HDLBP: variants seen among roughly 807,000 people sequenced by gnomAD.
HDLBP encodes the protein vigilin.
Under a neutral mutation model 137.3 loss-of-function variants are expected in HDLBP, and 30 were observed. The ratio of observed to expected loss-of-function variants is 0.22; its 90% CI spans 0.16 to 0.30. HDLBP has a LOEUF of 0.30. Ranked by LOEUF, HDLBP falls within the 10% of genes least tolerant of loss-of-function variation. HDLBP has a pLI of 1.00. For synonymous variants in HDLBP, 606 were observed against 596.0 expected (o/e 1.02, Z -0.24); for missense variants, 1,119 against 1,667.3 (o/e 0.67, Z 5.73).
chr2:241,247,092 C>T lies in HDLBP; in HGVS notation c.1782G>A (p.Lys594=). The change falls in exon 15 of 28, where the codon AAG becomes AAA. Residue 594 remains lysine (K), a synonymous_variant. Coordinates refer to ENST00000310931, the MANE Select transcript of HDLBP (RefSeq NM_005336.6). ...TTGCGCCTCCTTTCCCAATGATATT[C>T]TTGTGAAACTGTTTGAAGATCGGAA... The part of the protein sequence containing the change: ...ISVPIFKQFH[K]NIIGKGGANI... 6.2e-7 allele frequency: 1 copy of T among 1,613,568 alleles called. No individual in the cohort carries two copies. Among genetic ancestry groups the T allele is most frequent in the Non-Finnish European group, 8.5e-7 (1 of 1,179,472 alleles).
chr2:241,233,703 G>A lies in HDLBP; in HGVS notation c.3288+117C>T. ...GCCAGAATTAGGTCCTGAGAGACTT[G>A]CCACTCTCAACTTGGCCCTCGAACC... On this transcript the variant is annotated intron_variant, in intron 24 of 27. Transcript: ENST00000310931. This position sits in a 1 kb window ranked among gnomAD's most constrained non-coding sequence, Gnocchi z 4.3. The A allele has an allele frequency of 3.6e-6, 4 of 1,102,460 alleles. No homozygotes were observed. Among genetic ancestry groups the A allele is most frequent in the Non-Finnish European group, 5.3e-6 (4 of 752,624 alleles). 68.3% of individuals were successfully genotyped at this position (1,102,460 alleles called of 1,614,324 possible).
Position 241,273,180 on chromosome 2 carries a change from G to C in HDLBP, c.-102-4639C>G, listed in dbSNP as rs551243834. The C allele has an allele frequency of 6.1e-6, 6 of 985,488 alleles. No homozygotes were observed. The East Asian group carries it at 6.8e-4, about 112-fold the overall frequency. 61.0% of individuals were successfully genotyped at this position (985,488 alleles called of 1,614,324 possible). A position where few individuals can be genotyped will look rare whatever the true frequency, so the allele number is the denominator to read the frequency against. On this transcript the variant is annotated intron_variant, in intron 1 of 27. Transcript: ENST00000310931. The stretch of plus-strand genomic sequence containing the variant: ...CCAAAATCAGAAGAAAAACCTCAAA[G>C]GATGCCCACCACATCGTAAACGGAT...
intron 1 of HDLBP, among the ~76,000 whole-genome samples, chr2:241,294,376 GT>G (rs1324018503): frequency 6.6e-6 from 1 of 152,184 alleles, no homozygotes; most frequent in African/African-American, 2.4e-5. Context: ...AATCGGCATT[GT>G]TTTGTCTTCC....
intron 23 of HDLBP, 128 bp downstream of exon 23, chr2:241,234,993 G>A: frequency 1.8e-6 from 2 of 1,121,972 alleles, no homozygotes; most frequent in Non-Finnish European, 2.5e-6. Context: ...TCCTGGCACT[G>A]CCTGCATCTC....
chr2:241,236,920 G>C (rs568645646), intron 20 of HDLBP, 151 bp from the exon 21 acceptor site: 16 of 651,736 alleles, frequency 2.5e-5, no homozygotes, highest in Admixed American at 1.3e-4. Flanking sequence ...TCTTGGTCTG[G>C]TCAGGGAGAG....
chr2:241,302,952 T>C (rs940891167), intron 1 of HDLBP, among the ~76,000 whole-genome samples: 1 of 152,174 alleles, frequency 6.6e-6, no homozygotes, highest in African/African-American at 2.4e-5. Flanking sequence ...GAGTCTTTGC[T>C]CACAGTGCCC....
chr2:241,247,361 AAG>A (rs1374676806), intron 14 of HDLBP: 18 of 561,968 alleles, frequency 3.2e-5, no homozygotes, highest in Non-Finnish European at 4.8e-5. Flanking sequence ...CTTTTTGGCT[AAG>A]AGAGAGTTCA....
intron 1 of HDLBP, among the ~76,000 whole-genome samples, chr2:241,305,882 T>C (rs1460858644): frequency 6.7e-6 from 1 of 149,944 alleles, no homozygotes; most frequent in East Asian, 2.1e-4. Context: ...TGCCTCAGCC[T>C]CCCGAGTAGC....
At chr2:241,235,363 G>A (rs1253570266) in intron 22 of HDLBP, 108 bp from the exon 23 acceptor site, 3 of 1,538,400 alleles carry the variant, frequency 2.0e-6, no homozygotes, top group African/African-American at 2.7e-5. Context: ...CCGCCGTGAA[G>A]GGAAGTCAGT....
In HDLBP at chr2:241,240,359, C is replaced by A. The variant is rs1373114889; in HGVS notation, c.2170-237G>T. ...CAACCAGATGCTGGTGGGATGAACA[C>A]ACAGGCTTAGAACCCTGGTCCTGCC... On this transcript the variant is annotated intron_variant, in intron 17 of 27. Transcript: ENST00000310931. This position sits in a 1 kb window ranked among gnomAD's most constrained non-coding sequence, Gnocchi z 5.5. Among the ~76,000 whole-genome samples, 1 of 152,224 alleles carries A rather than the reference C, an allele frequency of 6.6e-6. No individual in the cohort carries two copies. The highest frequency in any genetic ancestry group is 1.5e-5 in the Non-Finnish European group (1 of 68,040).
chr2:241,263,151 A>G (rs2073338720), intron 4 of HDLBP, among the ~76,000 whole-genome samples: 1 of 152,218 alleles, frequency 6.6e-6, no homozygotes, highest in East Asian at 1.9e-4. Flanking sequence ...GCACAAATGA[A>G]TGAGGCAGCT....
In HDLBP at chr2:241,272,485, A is replaced by C; in HGVS notation, c.-102-3944T>G. 1.0e-6 allele frequency: 1 copy of C among 984,138 alleles called. No homozygotes were observed. Among genetic ancestry groups the C allele is most frequent in the Non-Finnish European group, 1.2e-6 (1 of 829,528 alleles). The allele number at this position is 984,138 out of a possible 1,614,324, so 61.0% of individuals were successfully genotyped here. On this transcript the variant is annotated intron_variant, in intron 1 of 27. Coordinates refer to ENST00000310931, the MANE Select transcript of HDLBP (RefSeq NM_005336.6). This position sits in a 1 kb window ranked among gnomAD's most constrained non-coding sequence, Gnocchi z 5.6. Reference sequence around the variant, plus strand: ...AAGAGCGGCCCAGCGGCGCCACCGGACTTGAGAAAGTTTGTGCGCGCCCCT... The same window carrying C: ...AAGAGCGGCCCAGCGGCGCCACCGGCCTTGAGAAAGTTTGTGCGCGCCCCT...
At chr2:241,291,641 G>A (rs2075016551) in intron 1 of HDLBP, among the ~76,000 whole-genome samples, 1 of 152,134 alleles carries the variant, frequency 6.6e-6, no homozygotes, top group African/African-American at 2.4e-5. Context: ...CTTTAAATAA[G>A]AATAGAATTA....
At position 241,239,627 on chromosome 2, in the gene HDLBP, C is replaced by A. The variant is rs762020447; in HGVS notation, c.2585G>T (p.Arg862Leu). The A allele has an allele frequency of 6.2e-7, 1 of 1,614,166 alleles. No homozygotes were observed. Among genetic ancestry groups the A allele is most frequent in the South Asian group, 1.1e-5 (1 of 91,088 alleles). ...AKDCVEAAKK[R>L]IQEIIEDLEA... ...CAGGTCCTCAATGATCTCCTGAATG[C>A]GTTTCTTGGCTGCCTCCACACAGTC... Residue 862 changes from arginine to leucine, a missense_variant, in exon 19 of 28, where the codon CGC (arginine) becomes CTC (leucine). Physicochemically the swap from Arg to Leu is moderately radical, Grantham distance 102. This residue lies in a region of HDLBP where 618 missense variants were observed against 816.7 expected (regional missense o/e 0.76). Coordinates refer to ENST00000310931, the MANE Select transcript of HDLBP (RefSeq NM_005336.6). This position sits in a 1 kb window ranked among gnomAD's most constrained non-coding sequence, Gnocchi z 4.6.
chr2:241,293,672 C>G (rs1008825486), intron 1 of HDLBP, among the ~76,000 whole-genome samples: 1 of 151,456 alleles, frequency 6.6e-6, no homozygotes. Flanking sequence ...GTAATCCCAG[C>G]ACTTTGAGAG....
chr2:241,306,349 C>A (rs951758686), intron 1 of HDLBP, among the ~76,000 whole-genome samples: 1 of 151,644 alleles, frequency 6.6e-6, no homozygotes, highest in Non-Finnish European at 1.5e-5. Context: ...GCAACCTCTG[C>A]CTCCCAGGTT....
At chr2:241,288,808 G>T (rs2074917534) in intron 1 of HDLBP, among the ~76,000 whole-genome samples, 1 of 152,172 alleles carries the variant, frequency 6.6e-6, no homozygotes, top group African/African-American at 2.4e-5. Context: ...TCCTGGGAAG[G>T]GGATGGGAAC....
rs1390493698 is a variant in HDLBP, at chr2:241,227,590, G to GT, written c.*2010_*2011insA. The GT allele has an allele frequency of 1.3e-5, 2 of 152,668 alleles. No individual in the cohort carries two copies. The highest frequency in any genetic ancestry group is 4.8e-5 in the African/African-American group (2 of 41,458). The allele number at this position is 152,668 out of a possible 1,614,324, so 9.5% of individuals were successfully genotyped here. A position where few individuals can be genotyped will look rare whatever the true frequency, so the allele number is the denominator to read the frequency against. On this transcript the variant is annotated 3_prime_UTR_variant, in exon 28 of 28. Coordinates refer to ENST00000310931, the MANE Select transcript of HDLBP (RefSeq NM_005336.6). ...ACCACCCAAAGGAAAAGAGAGCGCT[G>GT]AACAGTTTAGGAAAGGGCTCGCGTC...
rs139581737 is a variant in HDLBP at position 241,284,852 on chromosome 2, A to T, written c.-102-16311T>A. ...ATTAAGACTTGCTGAAGGCTCAATG[A>T]TCATGAGCATTTTTTAACCAATATT... is the stretch of plus-strand genomic sequence containing the variant. On this transcript the variant is annotated intron_variant, in intron 1 of 27. Coordinates refer to ENST00000310931, the MANE Select transcript of HDLBP (RefSeq NM_005336.6). Among the ~76,000 whole-genome samples the T allele has an allele frequency of 3.3e-5, 5 of 152,354 alleles. No homozygotes were observed. In the East Asian group the frequency reaches 7.7e-4, roughly 23 times the overall value.
Sources: allele counts gnomAD v4.1 joint callset (sites outside exome capture counted in the v4.1 genomes callset), GRCh38; gene constraint gnomAD v4.1.1; regional missense constraint gnomAD v4.1.1; non-coding constraint Gnocchi (gnomAD v3.1); transcripts MANE v1.5; gene names NCBI Gene and HGNC (gene_info 2026-07-23, HGNC 2026-07-21).